The following EIF2B3 variants were observed in gnomAD, a reference collection of about 807,000 sequenced individuals.
The protein encoded by EIF2B3 is translation initiation factor eIF2B subunit gamma.
A neutral mutation model predicts 54.1 loss-of-function variants in EIF2B3; 20 were observed. That is an observed-to-expected ratio of 0.37 (90% CI 0.26 to 0.54). The LOEUF is 0.54. Among genes scored for constraint, EIF2B3 ranks in the 20% least tolerant of loss-of-function variants. The probability of loss-of-function intolerance (pLI) is 0.86; values close to 1 mark genes in which losing one functional copy is unlikely to be tolerated. For missense variants in EIF2B3, 448 were observed against 547.8 expected, an observed-to-expected ratio of 0.82 and a Z score of 1.82; for synonymous variants, 153 against 188.1, an observed-to-expected ratio of 0.81 and a Z score of 1.52.
At chr1:44,976,561 A>C (rs1317640839) in intron 3 of EIF2B3, among the ~76,000 whole-genome samples, 1 of 152,230 alleles carries the variant, frequency 6.6e-6, no homozygotes, top group East Asian at 1.9e-4. Context: ...AGTAAACCTT[A>C]CAGCCTATAG....
At chr1:44,882,941 T>C (rs553722376) in intron 6 of EIF2B3, among the ~76,000 whole-genome samples, 20 of 145,394 alleles carry the variant, frequency 1.4e-4, no homozygotes, top group Non-Finnish European at 2.6e-4. Flanking sequence ...TTTTTTTTTT[T>C]TTTTTTGAGA....
chr1:44,883,155 C>A (rs1655466622), intron 6 of EIF2B3, among the ~76,000 whole-genome samples: 1 of 151,432 alleles, frequency 6.6e-6, no homozygotes. Context: ...GGTCAGGAGT[C>A]TTGAACTCCT....
intron 10 of EIF2B3, among the ~76,000 whole-genome samples, chr1:44,868,902 T>C (rs1654870807): frequency 6.6e-6 from 1 of 152,202 alleles, no homozygotes; most frequent in African/African-American, 2.4e-5. Context: ...TTTATTCATC[T>C]ATAAAAATTC....
intron 10 of EIF2B3, among the ~76,000 whole-genome samples, chr1:44,873,012 T>G (rs950676030): frequency 3.3e-5 from 5 of 152,192 alleles, no homozygotes; most frequent in African/African-American, 1.2e-4. Flanking sequence ...TATTAGCATC[T>G]CTTCTCAACT....
chr1:44,897,423 G>A lies in EIF2B3; in HGVS notation c.588C>T (p.His196=). The stretch of plus-strand genomic sequence containing the variant: ...AGAGGTGGGCATCCACAAGACCCGT[G>A]TGGAAACGTATTCTAGGATGCCTGC... ...ILQKHPRIRF[H]TGLVDAHLYC... The change falls in exon 6 of 12, where the codon CAC becomes CAT. Residue 196 remains histidine, a synonymous_variant. Coordinates refer to ENST00000360403, the MANE Select transcript of EIF2B3 (RefSeq NM_020365.5). The A allele has an allele frequency of 1.9e-6, 3 of 1,612,960 alleles. No individual in the cohort carries two copies. Among genetic ancestry groups the A allele is most frequent in the African/African-American group, 1.3e-5 (1 of 75,008 alleles).
intron 10 of EIF2B3, among the ~76,000 whole-genome samples, chr1:44,860,107 G>A (rs537288992): frequency 6.6e-6 from 1 of 151,476 alleles, no homozygotes; most frequent in Non-Finnish European, 1.5e-5. Context: ...GCCTCCCAAA[G>A]TGTTGGGATT....
At chr1:44,904,073 C>T (rs1393583912) in intron 5 of EIF2B3, among the ~76,000 whole-genome samples, 1 of 151,988 alleles carries the variant, frequency 6.6e-6, no homozygotes, top group African/African-American at 2.4e-5. Flanking sequence ...CAGACTCCAT[C>T]TCAAAAAAAC....
At chr1:44,957,518 T>C (rs191287352) in intron 3 of EIF2B3, among the ~76,000 whole-genome samples, 4 of 152,252 alleles carry the variant, frequency 2.6e-5, no homozygotes, top group Non-Finnish European at 4.4e-5. Flanking sequence ...CCCAGTACTT[T>C]AGGAGGCAGA....
chr1:44,868,048 GC>G (rs1474697878), intron 10 of EIF2B3, among the ~76,000 whole-genome samples: 1 of 151,480 alleles, frequency 6.6e-6, no homozygotes, highest in Non-Finnish European at 1.5e-5. Context: ...CTCCAAGACG[GC>G]AAATGACTAT....
intron 3 of EIF2B3, among the ~76,000 whole-genome samples, chr1:44,972,323 C>A: frequency 6.7e-6 from 1 of 148,678 alleles, no homozygotes; most frequent in East Asian, 2.0e-4. Flanking sequence ...ATATATATAT[C>A]CAGGCACGGT....
At chr1:44,939,100 TC>T (rs1557695100) in intron 4 of EIF2B3, among the ~76,000 whole-genome samples, 1 of 53,696 alleles carries the variant, frequency 1.9e-5, no homozygotes, top group East Asian at 5.3e-4. Context: ...AGACCCTGTC[TC>T]AAAAAAAAAA....
At chr1:44,966,917 G>A (rs1266336097) in intron 3 of EIF2B3, among the ~76,000 whole-genome samples, 1 of 152,028 alleles carries the variant, frequency 6.6e-6, no homozygotes, top group Non-Finnish European at 1.5e-5. Flanking sequence ...CGTGTCCCAG[G>A]TTCAGGCAAT....
In EIF2B3 at chr1:44,943,872, G is replaced by A. The variant is rs553026110; in HGVS notation, c.295-2207C>T. On this transcript the variant is annotated intron_variant, in intron 3 of 11. Transcript: ENST00000360403. ...TAAAGAAATATAGTTTAGGCTGGGC[G>A]CAGTGGCTCATGCCTGTATCCCAGC... 5.3e-4 allele frequency among the ~76,000 whole-genome samples: 81 copies of A among 152,088 alleles called. No individual in the cohort carries two copies. In the South Asian group the frequency reaches 0.013, roughly 24 times the overall value.
At chr1:44,951,996 T>C in intron 3 of EIF2B3, among the ~76,000 whole-genome samples, 1 of 87,596 alleles carries the variant, frequency 1.1e-5, no homozygotes, top group Non-Finnish European at 2.3e-5. Context: ...GGAGTCTCGC[T>C]CTGTTGCCCA....
rs148477842 is a variant in EIF2B3 at position 44,933,148 on chromosome 1, T to C, written c.455-6409A>G. Among the ~76,000 whole-genome samples the C allele has an allele frequency of 5.2e-3, 783 of 151,892 alleles. 10 individuals carry two copies. The highest frequency in any genetic ancestry group is 0.018 in the African/African-American group (752 of 41,384). ...ACAATTGGAGCTTGGGTTGAATTAG[T>C]GACAAATACATAAAAAACAAGCAAA... is the stretch of plus-strand genomic sequence containing the variant. On this transcript the variant is annotated intron_variant, in intron 4 of 11. Transcript: ENST00000360403.
At chr1:44,932,735 TAAAACAAAAC>T (rs112856646) in intron 4 of EIF2B3, among the ~76,000 whole-genome samples, 5 of 151,630 alleles carry the variant, frequency 3.3e-5, no homozygotes, top group South Asian at 2.1e-4. Context: ...TAGAAGACAG[TAAAACAAAAC>T]AAAACAAAAC....
At chr1:44,874,858 C>CCCATCTCAA in intron 9 of EIF2B3, 32 bp from the exon 10 acceptor site, 1 of 1,613,782 alleles carries the variant, frequency 6.2e-7, no homozygotes, top group Non-Finnish European at 8.5e-7. Context: ...ACTCTGTCCA[C>CCCATCTCAA]CCATCTCAAC....
At chr1:44,916,823 AG>A (rs1391245897) in intron 5 of EIF2B3, among the ~76,000 whole-genome samples, 1 of 151,144 alleles carries the variant, frequency 6.6e-6, no homozygotes, top group Non-Finnish European at 1.5e-5. Context: ...AAAAAAAAAA[AG>A]AAAAAAGAAA....
chr1:44,878,250 A>G (rs540559304), intron 8 of EIF2B3, among the ~76,000 whole-genome samples: 2 of 152,148 alleles, frequency 1.3e-5, no homozygotes, highest in South Asian at 4.2e-4. Context: ...TTTCTTCAGG[A>G]GTCAATCCCA....
Sources: allele counts gnomAD v4.1 joint callset (sites outside exome capture counted in the v4.1 genomes callset), GRCh38; gene constraint gnomAD v4.1.1; transcripts MANE v1.5; gene names NCBI Gene and HGNC (gene_info 2026-07-23, HGNC 2026-07-21).